TANC2: variants seen among roughly 807,000 people sequenced by gnomAD.
TANC2 encodes the protein protein TANC2.
TANC2 carries 26 observed loss-of-function variants against 210.5 expected under a neutral mutation model. The observed-to-expected ratio is 0.12, with a 90% CI of 0.09 to 0.17. TANC2 has a LOEUF of 0.17. TANC2 is among the 10% of genes least tolerant of loss of function. The pLI, the probability that TANC2 is intolerant of heterozygous loss-of-function variation, is 1.00. For missense variants in TANC2, 2,129 were observed against 2,608.9 expected (o/e 0.82, Z 4.01); for synonymous variants, 931 against 967.1 (o/e 0.96, Z 0.69).
At chr17:63,001,609 C>G (rs241069) in intron 1 of TANC2, among the ~76,000 whole-genome samples, 89,253 of 148,960 alleles carry the variant, frequency 0.6, 29,253 homozygotes, top group African/African-American at 0.87. Context: ...CTGGAGTCCT[C>G]TGGCAGCTCG....
chr17:63,023,124 G>A (rs1358803671), intron 2 of TANC2, among the ~76,000 whole-genome samples: 1 of 152,228 alleles, frequency 6.6e-6, no homozygotes, highest in East Asian at 1.9e-4. Flanking sequence ...TGCCTATGAG[G>A]GACTTGGAAG....
exon 17 of TANC2, chr17:63,389,359 G>C (rs755919425): frequency 6.2e-7 from 1 of 1,613,982 alleles, no homozygotes; most frequent in East Asian, 2.2e-5. Context: ...CCGGACAGAG[G>C]TTTTAAATAA....
chr17:63,009,396 A>G (rs2033766694), intron 1 of TANC2, among the ~76,000 whole-genome samples, 141 bp from the exon 2 acceptor site: 2 of 152,154 alleles, frequency 1.3e-5, no homozygotes, highest in South Asian at 2.1e-4. Context: ...TGTCCTCTCA[A>G]TCATTTATTT....
chr17:63,308,437 G>A (rs1426023248), intron 9 of TANC2, among the ~76,000 whole-genome samples: 2 of 152,094 alleles, frequency 1.3e-5, no homozygotes, highest in Admixed American at 6.6e-5. Context: ...TCCCTCTCCA[G>A]TGAGCCAAGC....
rs542860645 is a variant in TANC2 at position 63,381,295 on chromosome 17, A to T, written c.2691+1469A>T. The T allele has an allele frequency of 2.6e-5, 4 of 152,326 alleles. No individual in the cohort carries two copies. The East Asian group carries it at 7.7e-4, about 29-fold the overall frequency. The allele number at this position is 152,326 out of a possible 1,614,324, so 9.4% of individuals were successfully genotyped here. On this transcript the variant is annotated intron_variant, in intron 15 of 27. Transcript: ENST00000689528. The stretch of plus-strand genomic sequence containing the variant: ...GATGCAGACAGCATGGTTGCCTGAG[A>T]TAAGACTGGCTCCATGTGTGATTCA...
chr17:63,292,301 T>C (rs931027400), intron 9 of TANC2, among the ~76,000 whole-genome samples: 2 of 152,084 alleles, frequency 1.3e-5, no homozygotes, highest in East Asian at 3.8e-4. Context: ...TCATTAAAGA[T>C]ATATCAGGAG....
chr17:63,003,244 A>C (rs1452119782), intron 1 of TANC2, among the ~76,000 whole-genome samples: 7 of 152,168 alleles, frequency 4.6e-5, no homozygotes, highest in African/African-American at 1.7e-4. Context: ...GGTGTGGGTC[A>C]TTTATATATC....
intron 5 of TANC2, among the ~76,000 whole-genome samples, chr17:63,189,396 T>C (rs2041110868): frequency 6.6e-6 from 1 of 152,212 alleles, no homozygotes; most frequent in African/African-American, 2.4e-5. Context: ...TGTATGAAGG[T>C]TCCAATAAAT....
intron 9 of TANC2, among the ~76,000 whole-genome samples, chr17:63,291,421 C>T (rs533055397): frequency 2.0e-5 from 3 of 152,198 alleles, no homozygotes; most frequent in Non-Finnish European, 2.9e-5. Context: ...TTCACAAATC[C>T]GTTTACTAAA....
At chr17:62,989,461 T>G (rs2032743588) in intron 1 of TANC2, among the ~76,000 whole-genome samples, 1 of 152,216 alleles carries the variant, frequency 6.6e-6, no homozygotes, top group African/African-American at 2.4e-5. Flanking sequence ...TTGATGTTAT[T>G]TATAAGAATG....
At chr17:63,391,710 T>G (rs1259983635) in intron 17 of TANC2, 1 of 151,478 alleles carries the variant, frequency 6.6e-6, no homozygotes, top group African/African-American at 2.4e-5. Flanking sequence ...CTCCATAGTA[T>G]TAGCAATAAT....
chr17:63,352,604 A>G (rs2046647185), intron 13 of TANC2, among the ~76,000 whole-genome samples: 2 of 152,210 alleles, frequency 1.3e-5, no homozygotes, highest in East Asian at 1.9e-4. Flanking sequence ...ATCCTCATAC[A>G]TATTCTCACA....
At chr17:63,359,999 T>C (rs1262368653) in intron 14 of TANC2, among the ~76,000 whole-genome samples, 1 of 152,130 alleles carries the variant, frequency 6.6e-6, no homozygotes, top group Non-Finnish European at 1.5e-5. Context: ...GACCTGATGC[T>C]CCAAAATCCA....
chr17:63,245,606 G>A (rs2042893234), intron 8 of TANC2, among the ~76,000 whole-genome samples: 1 of 151,938 alleles, frequency 6.6e-6, no homozygotes, highest in African/African-American at 2.4e-5. Flanking sequence ...ACGTTGAGAG[G>A]CTGAGGCAGA....
At chr17:63,258,130 T>G (rs1287361113) in intron 8 of TANC2, among the ~76,000 whole-genome samples, 1 of 152,220 alleles carries the variant, frequency 6.6e-6, no homozygotes, top group Admixed American at 6.5e-5. Flanking sequence ...GGATACGCTA[T>G]TCTACCATAG....
At chr17:63,329,357 GC>G (rs2045760352) in intron 11 of TANC2, among the ~76,000 whole-genome samples, 1 of 151,954 alleles carries the variant, frequency 6.6e-6, no homozygotes, top group Non-Finnish European at 1.5e-5. Context: ...GATTAAAATG[GC>G]CTTGAAACAT....
At chr17:63,077,632 A>G (rs532146603) in intron 3 of TANC2, among the ~76,000 whole-genome samples, 1 of 152,306 alleles carries the variant, frequency 6.6e-6, no homozygotes, top group East Asian at 1.9e-4. Flanking sequence ...AATACATAAA[A>G]TAGTAAGCAA....
chr17:62,966,637 C>T lies in TANC2; in HGVS notation c.-136C>T, dbSNP rs1205996131. Among the ~76,000 whole-genome samples the T allele has an allele frequency of 2.6e-5, 4 of 151,838 alleles. No individual in the cohort carries two copies. Among genetic ancestry groups the T allele is most frequent in the Non-Finnish European group, 5.9e-5 (4 of 67,904 alleles). On this transcript the variant is annotated 5_prime_UTR_variant, in exon 1 of 28. Transcript: ENST00000689528. This position sits in a 1 kb window ranked among gnomAD's most constrained non-coding sequence, Gnocchi z 5.1. Reference sequence around the variant, plus strand: ...AGACTCGCCGCGGGGCGTTGGAGGACTGCGAGGTGCTCCGGGAATCGCGGG... The same window carrying T: ...AGACTCGCCGCGGGGCGTTGGAGGATTGCGAGGTGCTCCGGGAATCGCGGG...
At chr17:63,015,365 C>T (rs534428461) in intron 2 of TANC2, among the ~76,000 whole-genome samples, 9 of 151,936 alleles carry the variant, frequency 5.9e-5, no homozygotes, top group African/African-American at 9.7e-5. Context: ...ATGTGCACAA[C>T]GTGCAGGTTT....
Sources: gnomAD v4.1 joint callset for allele counts (sites outside exome capture counted in the v4.1 genomes callset) on GRCh38, gnomAD v4.1.1 for gene constraint, Gnocchi (gnomAD v3.1) non-coding constraint, MANE v1.5 for transcripts, NCBI Gene and HGNC (gene_info 2026-07-23, HGNC 2026-07-21) for gene names.